Variants in NARF observed in about 807,000 individuals in gnomAD.
The protein encoded by NARF is iron-only hydrogenase-like protein 2.
Under a neutral mutation model 48.0 loss-of-function variants are expected in NARF, and 41 were observed. The observed-to-expected ratio is 0.85, with a 90% CI of 0.66 to 1.11. The LOEUF is 1.11. Ranked by LOEUF, NARF falls within the 50% of genes least tolerant of loss-of-function variation. The pLI is 0.00. For missense variants in NARF, 613 were observed against 590.2 expected (o/e 1.04, Z -0.40); for synonymous variants, 215 against 225.5 (o/e 0.95, Z 0.42).
intron 2 of NARF, among the ~76,000 whole-genome samples, chr17:82,461,572 C>G (rs1015546546): frequency 2.0e-5 from 3 of 152,214 alleles, no homozygotes; most frequent in Non-Finnish European, 4.4e-5. Flanking sequence ...GATCACGCCA[C>G]TGCACTCCAG....
intron 1 of NARF, 37 bp downstream of exon 1, chr17:82,458,867 C>T: frequency 1.4e-6 from 2 of 1,381,286 alleles, no homozygotes; most frequent in Non-Finnish European, 1.9e-6. Context: ...GCGCCTGGTG[C>T]TTGTCCTGTG....
At chr17:82,476,304 G>A (rs1164182555) in intron 5 of NARF, among the ~76,000 whole-genome samples, 1 of 152,156 alleles carries the variant, frequency 6.6e-6, no homozygotes, top group Admixed American at 6.5e-5. Context: ...ACCATGCCCG[G>A]CTAATTTTTG....
chr17:82,480,359 C>T (rs2043934085), intron 6 of NARF: 2 of 401,676 alleles, frequency 5.0e-6, no homozygotes, highest in Non-Finnish European at 8.8e-6. Context: ...AGCAACAGCT[C>T]CACGCCGGCT....
chr17:82,466,700 G>T (rs565589777), intron 3 of NARF, among the ~76,000 whole-genome samples: 1 of 152,030 alleles, frequency 6.6e-6, no homozygotes, highest in African/African-American at 2.4e-5. Flanking sequence ...TGATGTGCTC[G>T]CCTCGGCCTC....
chr17:82,478,709 G>A (rs765648320), intron 5 of NARF, 91 bp from the exon 6 acceptor site: 17 of 1,277,310 alleles, frequency 1.3e-5, no homozygotes, highest in South Asian at 4.8e-5. Context: ...ACCCTGGGGC[G>A]GCAGGGACTC....
At chr17:82,479,141 T>TC in intron 6 of NARF, 1 of 400,444 alleles carries the variant, frequency 2.5e-6, no homozygotes, top group Non-Finnish European at 4.5e-6. Context: ...CTTAACCTTT[T>TC]CTGTGGCATC....
intron 10 of NARF, 59 bp from the exon 11 acceptor site, chr17:82,487,857 A>G: frequency 6.6e-7 from 1 of 1,516,544 alleles, no homozygotes; most frequent in Admixed American, 1.8e-5. Flanking sequence ...GCTGCTCAGG[A>G]AGCTAAGGCA....
chr17:82,479,872 A>G (rs994797540), intron 6 of NARF: 1 of 152,404 alleles, frequency 6.6e-6, no homozygotes, highest in Non-Finnish European at 1.5e-5. Context: ...GCAGGACCGA[A>G]AAATGAGCTA....
chr17:82,478,619 C>T (rs986661581), intron 5 of NARF, 181 bp from the exon 6 acceptor site: 1 of 688,708 alleles, frequency 1.5e-6, no homozygotes, highest in African/African-American at 1.8e-5. Flanking sequence ...TTCCCATGAC[C>T]CACAGCCGGG....
At chr17:82,485,132 G>A (rs1210630222) in intron 9 of NARF, among the ~76,000 whole-genome samples, 182 bp downstream of exon 9, 1 of 152,190 alleles carries the variant, frequency 6.6e-6, no homozygotes, top group Non-Finnish European at 1.5e-5. Context: ...ACATTAGAAA[G>A]TGTTCTTGGC....
rs529758950 is a variant in NARF at position 82,470,587 on chromosome 17, C to T, written c.385+1691C>T. 9.4e-3 allele frequency among the ~76,000 whole-genome samples: 1,427 copies of T among 152,126 alleles called. 18 individuals carry two copies. The highest frequency in any genetic ancestry group is 0.011 in the Non-Finnish European group (762 of 67,988). ...TCGGCTCACTGCAAGCTCCACCTCCCGGGTTCACACCATTCTCCTGCCTCA... is the reference window on the plus strand; with the variant it reads ...TCGGCTCACTGCAAGCTCCACCTCCTGGGTTCACACCATTCTCCTGCCTCA... On this transcript the variant is annotated intron_variant, in intron 4 of 10. Coordinates refer to ENST00000309794, the MANE Select transcript of NARF (RefSeq NM_012336.4).
At chr17:82,478,421 G>A (rs77949156) in intron 5 of NARF, 23,328 of 363,570 alleles carry the variant, frequency 0.064, 939 homozygotes, top group Middle Eastern at 0.13. Context: ...CGGTAGCTGC[G>A]TGTCCTGGCT....
intron 5 of NARF, among the ~76,000 whole-genome samples, chr17:82,475,804 A>G (rs8068347): frequency 0.021 from 3,173 of 152,226 alleles, 108 homozygotes; most frequent in African/African-American, 0.072. Context: ...CAAATCAGCA[A>G]TCTGCTCAGG....
At chr17:82,485,265 C>G (rs2044070571) in intron 9 of NARF, among the ~76,000 whole-genome samples, 1 of 151,928 alleles carries the variant, frequency 6.6e-6, no homozygotes, top group Non-Finnish European at 1.5e-5. Flanking sequence ...ACTAAAAATA[C>G]AAAAAATTTG....
chr17:82,460,315 A>G, intron 2 of NARF: 1 of 325,972 alleles, frequency 3.1e-6, no homozygotes, highest in Admixed American at 4.6e-5. Context: ...AAATACAAAA[A>G]TTATCCAGGT....
intron 6 of NARF, 93 bp from the exon 7 acceptor site, chr17:82,480,989 C>T (rs1402675116): frequency 2.7e-6 from 4 of 1,477,380 alleles, no homozygotes; most frequent in South Asian, 1.2e-5. Context: ...CAGCAGGGGG[C>T]ATTCGGTCTC....
At chr17:82,482,420 T>TA (rs149259276) in intron 7 of NARF, 4 of 164,024 alleles carry the variant, frequency 2.4e-5, no homozygotes, top group South Asian at 1.0e-4. Flanking sequence ...GTTGACAAAA[T>TA]AAAACATGCG....
At chr17:82,476,067 G>A (rs965724331) in intron 5 of NARF, among the ~76,000 whole-genome samples, 2 of 152,034 alleles carry the variant, frequency 1.3e-5, no homozygotes, top group African/African-American at 4.8e-5. Context: ...GAGTGCATTG[G>A]TGTGATCTTG....
At chr17:82,481,334 T>G (rs1015296268) in intron 7 of NARF, 123 bp downstream of exon 7, 40 of 1,426,458 alleles carry the variant, frequency 2.8e-5, no homozygotes, top group Non-Finnish European at 2.9e-5. Flanking sequence ...GTCGCTTGTC[T>G]GAAGTTACTG....
Sources: gnomAD v4.1 joint callset for allele counts (sites outside exome capture counted in the v4.1 genomes callset) on GRCh38, gnomAD v4.1.1 for gene constraint, MANE v1.5 for transcripts, NCBI Gene and HGNC (gene_info 2026-07-23, HGNC 2026-07-21) for gene names.